The following TMEM131L variants were observed in gnomAD, a reference collection of about 807,000 sequenced individuals.
TMEM131L encodes the protein transmembrane protein 131-like.
TMEM131L carries 54 observed loss-of-function variants against 192.2 expected under a neutral mutation model. That is an observed-to-expected ratio of 0.28 (90% confidence interval 0.23 to 0.35). The LOEUF (loss-of-function observed/expected upper bound fraction) is 0.35. TMEM131L is among the 10% of genes least tolerant of loss of function. The pLI, the probability that TMEM131L is intolerant of heterozygous loss-of-function variation, is 1.00. For synonymous variants in TMEM131L, 701 were observed against 704.9 expected (o/e 0.99, Z 0.09); for missense variants, 1,888 against 1,972.9 (o/e 0.96, Z 0.82).
chr4:153,474,706 T>C (rs1371271039), intron 3 of TMEM131L, among the ~76,000 whole-genome samples: 1 of 152,084 alleles, frequency 6.6e-6, no homozygotes, highest in African/African-American at 2.4e-5. Context: ...CAGGCGTGTG[T>C]CAACATGCCT....
chr4:153,573,504 C>T (rs1729731441), intron 7 of TMEM131L, among the ~76,000 whole-genome samples: 1 of 152,238 alleles, frequency 6.6e-6, no homozygotes, highest in Non-Finnish European at 1.5e-5. Flanking sequence ...GTGAAAATCC[C>T]ACATGGCTCT....
intron 3 of TMEM131L, among the ~76,000 whole-genome samples, chr4:153,531,369 G>C (rs1230246951): frequency 2.0e-5 from 3 of 152,202 alleles, no homozygotes; most frequent in African/African-American, 7.2e-5. Context: ...TAAAAGGGAG[G>C]AAGTGTTTAG....
intron 3 of TMEM131L, among the ~76,000 whole-genome samples, chr4:153,493,367 A>AT (rs1209375435): frequency 2.2e-5 from 3 of 133,754 alleles, no homozygotes; most frequent in Non-Finnish European, 3.2e-5. Flanking sequence ...AAAAAAAAAA[A>AT]GATATGTTTG....
chr4:153,483,495 G>A (rs774664081), intron 3 of TMEM131L, among the ~76,000 whole-genome samples: 11 of 152,018 alleles, frequency 7.2e-5, no homozygotes, highest in Non-Finnish European at 1.2e-4. Flanking sequence ...TCAGGAGTTC[G>A]ATAGCAGCGT....
Position 153,588,893 on chromosome 4 carries a change from A to G in TMEM131L, c.1556A>G (p.Asn519Ser). 6.6e-7 allele frequency: 1 copy of G among 1,525,146 alleles called. No individual in the cohort carries two copies. Among genetic ancestry groups the G allele is most frequent in the Admixed American group, 1.7e-5 (1 of 59,630 alleles). The allele number at this position is 1,525,146 out of a possible 1,614,324, so 94.5% of individuals were successfully genotyped here. A position where few individuals can be genotyped will look rare whatever the true frequency, so the allele number is the denominator to read the frequency against. The change falls in exon 16 of 35, where the codon AAT (asparagine) becomes AGT (serine). Residue 519 changes from asparagine to serine, a missense_variant. By Grantham distance (46) the Asn-to-Ser change is conservative (BLOSUM62 1). Transcript: ENST00000409959. ...HYFMGKSKAG[N>S]PNWNGSLSLD... The stretch of plus-strand genomic sequence containing the variant: ...TGGAATCTGATCTAACTTTTAGGAA[A>G]TCCTAATTGGAATGGGAGCCTTTCT...
At chr4:153,509,245 T>G in intron 3 of TMEM131L, among the ~76,000 whole-genome samples, 1 of 151,574 alleles carries the variant, frequency 6.6e-6, no homozygotes, top group Non-Finnish European at 1.5e-5. Context: ...GCACCTGTAG[T>G]CCCAGCTACT....
intron 3 of TMEM131L, among the ~76,000 whole-genome samples, chr4:153,541,625 G>A (rs986810255): frequency 1.3e-5 from 2 of 152,232 alleles, no homozygotes; most frequent in African/African-American, 4.8e-5. Flanking sequence ...GAGCTCAGCA[G>A]AGTCTAGGCC....
At chr4:153,558,707 C>A (rs940269880) in intron 7 of TMEM131L, 2 of 158,350 alleles carry the variant, frequency 1.3e-5, no homozygotes, top group African/African-American at 4.8e-5. Flanking sequence ...AGGAGAGATT[C>A]TTTAGTTAAA....
intron 29 of TMEM131L, 61 bp downstream of exon 29, chr4:153,623,144 CCCAGT>C: frequency 7.0e-7 from 1 of 1,424,694 alleles, no homozygotes; most frequent in East Asian, 2.4e-5. Context: ...CTCCCACGTA[CCCAGT>C]CCACACAGTC....
chr4:153,595,194 A>T (rs1015278714), intron 19 of TMEM131L, among the ~76,000 whole-genome samples: 1 of 152,214 alleles, frequency 6.6e-6, no homozygotes, highest in Non-Finnish European at 1.5e-5. Context: ...AGAATTCTTC[A>T]TCATGTAAAG....
intron 31 of TMEM131L, among the ~76,000 whole-genome samples, chr4:153,631,727 G>A (rs1228024261): frequency 6.6e-6 from 1 of 152,182 alleles, no homozygotes; most frequent in Non-Finnish European, 1.5e-5. Context: ...CCTTCCAGTA[G>A]CTTCAAAGTA....
intron 17 of TMEM131L, 69 bp downstream of exon 17, chr4:153,591,263 A>G: frequency 7.0e-7 from 1 of 1,419,170 alleles, no homozygotes; most frequent in Non-Finnish European, 9.4e-7. Context: ...AAAGTACCAG[A>G]TTGTGTCCAC....
intron 3 of TMEM131L, among the ~76,000 whole-genome samples, chr4:153,547,953 A>G (rs1737312368): frequency 6.6e-6 from 1 of 152,194 alleles, no homozygotes; most frequent in South Asian, 2.1e-4. Flanking sequence ...GACTGTCATT[A>G]ATTGCTTTAT....
At chr4:153,467,322 G>C in intron 2 of TMEM131L, 41 bp downstream of exon 2, 1 of 1,524,380 alleles carries the variant, frequency 6.6e-7, no homozygotes, top group Non-Finnish European at 8.9e-7. Flanking sequence ...GGGTGTACGA[G>C]GGAGGAGAGG....
rs1033764126 is a variant in TMEM131L, at chr4:153,555,482, T to C, written c.309-305T>C. On this transcript the variant is annotated intron_variant, in intron 4 of 34. Transcript: ENST00000409959. The surrounding 1 kb of genome is among the most constrained non-coding windows in gnomAD (Gnocchi z 4.1). Reference sequence around the variant, plus strand: ...GTGAGTGCCTACATGTGTTTTGTTTTGTTTTTTTGCAAGCATTTTAATGGC... The same window carrying C: ...GTGAGTGCCTACATGTGTTTTGTTTCGTTTTTTTGCAAGCATTTTAATGGC... Among the ~76,000 whole-genome samples, 1 of 152,220 alleles carries C rather than the reference T, an allele frequency of 6.6e-6. No homozygotes were observed. The highest frequency in any genetic ancestry group is 1.5e-5 in the Non-Finnish European group (1 of 68,032).
chr4:153,600,970 C>G (rs750044999), intron 21 of TMEM131L, among the ~76,000 whole-genome samples: 1 of 151,812 alleles, frequency 6.6e-6, no homozygotes, highest in African/African-American at 2.4e-5. Flanking sequence ...ATTAGCTGGG[C>G]GTGGTGGCAC....
chr4:153,475,220 G>A (rs1731445042), intron 3 of TMEM131L, among the ~76,000 whole-genome samples: 1 of 152,196 alleles, frequency 6.6e-6, no homozygotes, highest in Non-Finnish European at 1.5e-5. Context: ...AGTAACTTTG[G>A]TGGTTTTCAG....
At position 153,602,399 on chromosome 4, in the gene TMEM131L, A is replaced by G. The variant is rs150585426; in HGVS notation, c.2453+61A>G. 4 of 1,563,642 alleles carry G rather than the reference A, an allele frequency of 2.6e-6. No individual in the cohort carries two copies. In the East Asian group the frequency reaches 9.0e-5, roughly 35 times the overall value. On this transcript the variant is annotated intron_variant, in intron 22 of 34. Coordinates refer to ENST00000409959, the MANE Select transcript of TMEM131L (RefSeq NM_001131007.2). ...GGTGCGTTTAACAATGTGAGGAGGAAAACTTTTTCTATTGTTAAGACATCT... is the reference window on the plus strand; with the variant it reads ...GGTGCGTTTAACAATGTGAGGAGGAGAACTTTTTCTATTGTTAAGACATCT...
chr4:153,543,879 A>G lies in TMEM131L; in HGVS notation c.240-6194A>G, dbSNP rs142558168. On this transcript the variant is annotated intron_variant, in intron 3 of 34. Coordinates refer to ENST00000409959, the MANE Select transcript of TMEM131L (RefSeq NM_001131007.2). ...TCTCTCATTTCTTTGAATAATGAGA[A>G]CAGCCCAGTAAGTGTCTCGTTAGCA... Among the ~76,000 whole-genome samples, 355 of 152,242 alleles carry G rather than the reference A, an allele frequency of 2.3e-3. 1 individual carries two copies. Among genetic ancestry groups the G allele is most frequent in the African/African-American group, 8.0e-3 (330 of 41,466 alleles).
Sources: gnomAD v4.1 joint callset for allele counts (sites outside exome capture counted in the v4.1 genomes callset) on GRCh38, gnomAD v4.1.1 for gene constraint, Gnocchi (gnomAD v3.1) non-coding constraint, MANE v1.5 for transcripts, NCBI Gene and HGNC (gene_info 2026-07-23, HGNC 2026-07-21) for gene names.